Variants in BIN3 observed in about 807,000 individuals in gnomAD.
The protein encoded by BIN3 is bridging integrator 3.
A neutral mutation model predicts 38.2 loss-of-function variants in BIN3; 41 were observed. The ratio of observed to expected loss-of-function variants is 1.07; its 90% CI spans 0.84 to 1.39. The LOEUF is 1.39. Ranked by LOEUF, BIN3 falls within the 40% of genes most tolerant of loss-of-function variation. The probability of loss-of-function intolerance (pLI) is 0.00; values close to 1 mark genes in which losing one functional copy is unlikely to be tolerated. For synonymous variants in BIN3, 145 were observed against 122.6 expected, an observed-to-expected ratio of 1.18 and a Z score of -1.21; for missense variants, 361 against 324.3, an observed-to-expected ratio of 1.11 and a Z score of -0.87.
intron 1 of BIN3, among the ~76,000 whole-genome samples, chr8:22,659,942 T>A (rs1049265927): frequency 1.1e-4 from 16 of 151,978 alleles, no homozygotes; most frequent in Non-Finnish European, 1.8e-4. Flanking sequence ...CCAGAAGGGG[T>A]GACTTGTAAG....
chr8:22,622,954 G>A (rs1291052317), intron 8 of BIN3, among the ~76,000 whole-genome samples: 2 of 152,226 alleles, frequency 1.3e-5, no homozygotes, highest in Admixed American at 1.3e-4. Flanking sequence ...TCCTGACTGG[G>A]GCAGGTGGCC....
At chr8:22,627,566 CT>C (rs1403055854) in intron 6 of BIN3, among the ~76,000 whole-genome samples, 3 of 152,276 alleles carry the variant, frequency 2.0e-5, no homozygotes, top group African/African-American at 7.2e-5. Context: ...AGAGGCCCTG[CT>C]GACTCTACCC....
At chr8:22,667,948 T>TA (rs1803478684) in intron 1 of BIN3, among the ~76,000 whole-genome samples, 2 of 152,250 alleles carry the variant, frequency 1.3e-5, no homozygotes, top group South Asian at 4.1e-4. Context: ...GACATTCTGT[T>TA]ATCTTAATTC....
chr8:22,630,708 G>C (rs1172002617), intron 4 of BIN3, 130 bp from the exon 5 acceptor site: 2 of 1,007,578 alleles, frequency 2.0e-6, no homozygotes, highest in African/African-American at 1.6e-5. Flanking sequence ...CGGCCGTCAA[G>C]AACGGCGAAG....
rs937271368 is a variant in BIN3 at position 22,630,666 on chromosome 8, G to A, written c.161-88C>T. 3.4e-5 allele frequency: 51 copies of A among 1,485,146 alleles called. No homozygotes were observed. The African/African-American group carries it at 6.1e-4, about 18-fold the overall frequency. The allele number at this position is 1,485,146 out of a possible 1,614,324, so 92.0% of individuals were successfully genotyped here. ...AGGACCCCGTCCTCCTATGCCAGGG[G>A]CCTGCACCCTGAAGACCTCTTCCCA... is the stretch of plus-strand genomic sequence containing the variant. On this transcript the variant is annotated intron_variant, in intron 4 of 8. Transcript: ENST00000276416.
intron 1 of BIN3, among the ~76,000 whole-genome samples, chr8:22,646,409 C>G (rs544063693): frequency 1.3e-5 from 2 of 152,330 alleles, no homozygotes; most frequent in South Asian, 2.1e-4. Context: ...CTCCACACCC[C>G]CTTCTCCCTG....
At chr8:22,642,654 G>A (rs1276210372) in intron 2 of BIN3, among the ~76,000 whole-genome samples, 1 of 152,170 alleles carries the variant, frequency 6.6e-6, no homozygotes. Context: ...TATCTTGTGT[G>A]AGCCTCAAAG....
chr8:22,668,218 A>G (rs927417933), intron 1 of BIN3, among the ~76,000 whole-genome samples: 7 of 152,214 alleles, frequency 4.6e-5, no homozygotes, highest in South Asian at 2.1e-4. Context: ...GCAAGTCACA[A>G]TTCTCTCCTG....
intron 8 of BIN3, among the ~76,000 whole-genome samples, chr8:22,622,305 C>A (rs915133375): frequency 2.0e-5 from 3 of 152,242 alleles, no homozygotes; most frequent in Non-Finnish European, 4.4e-5. Flanking sequence ...CTGAAAGCTT[C>A]CACGTTTCAC....
At chr8:22,650,075 G>A (rs910306011) in intron 1 of BIN3, among the ~76,000 whole-genome samples, 1 of 152,064 alleles carries the variant, frequency 6.6e-6, no homozygotes, top group African/African-American at 2.4e-5. Context: ...TGTACCACTC[G>A]TTTTATTTCT....
chr8:22,636,765 C>A, intron 3 of BIN3, 157 bp downstream of exon 3: 1 of 1,010,582 alleles, frequency 9.9e-7, no homozygotes, highest in Non-Finnish European at 1.5e-6. Flanking sequence ...TCTCACATGG[C>A]CATTGCCAGG....
chr8:22,622,111 T>C (rs1012479669), intron 8 of BIN3, among the ~76,000 whole-genome samples: 24 of 151,926 alleles, frequency 1.6e-4, no homozygotes, highest in Admixed American at 5.9e-4. Flanking sequence ...ACTGCCAGGG[T>C]CCCTCTAGGG....
At chr8:22,629,533 G>A (rs905413723) in intron 6 of BIN3, among the ~76,000 whole-genome samples, 3 of 152,220 alleles carry the variant, frequency 2.0e-5, no homozygotes, top group Non-Finnish European at 2.9e-5. Context: ...CCACCCCCAC[G>A]TTTCCAGAGC....
intron 6 of BIN3, among the ~76,000 whole-genome samples, chr8:22,628,271 G>A (rs539096513): frequency 6.6e-6 from 1 of 152,368 alleles, no homozygotes; most frequent in Admixed American, 6.5e-5. Flanking sequence ...GAGGCTGGGG[G>A]CGGTGGGGTG....
rs1467626863 is a variant in BIN3 at position 22,621,162 on chromosome 8, G to A, written c.*260C>T. Reference sequence around the variant, plus strand: ...GCTTGCTCAGGCCGTGGGCCAGGATGCATGCTGGACGGTTCTCCAAATAAA... The same window carrying A: ...GCTTGCTCAGGCCGTGGGCCAGGATACATGCTGGACGGTTCTCCAAATAAA... On this transcript the variant is annotated 3_prime_UTR_variant, in exon 9 of 9. Transcript: ENST00000276416. The A allele has an allele frequency of 8.6e-6, 4 of 462,800 alleles. No homozygotes were observed. Among genetic ancestry groups the A allele is most frequent in the African/African-American group, 4.0e-5 (2 of 50,488 alleles). 28.7% of individuals were successfully genotyped at this position (462,800 alleles called of 1,614,324 possible). A position where few individuals can be genotyped will look rare whatever the true frequency, so the allele number is the denominator to read the frequency against.
rs1260133268 is a variant in BIN3 at position 22,621,424 on chromosome 8, A to G, written c.760T>C (p.Ter254ArgextTer10). 6.2e-7 allele frequency: 1 copy of G among 1,612,742 alleles called. No homozygotes were observed. Among genetic ancestry groups the G allele is most frequent in the Non-Finnish European group, 8.5e-7 (1 of 1,179,394 alleles). Reference sequence around the variant, plus strand: ...AGTCCTCCAAGAGTGACGGGGATTCAGTCATCGGCCACAATGGAGAGGGCC... The same window carrying G: ...AGTCCTCCAAGAGTGACGGGGATTCGGTCATCGGCCACAATGGAGAGGGCC... ...LRALSIVADD* is the reference protein window; with the variant it reads ...LRALSIVADDR The change falls in exon 9 of 9, where the codon TGA (stop) becomes CGA (arginine). Residue 254 changes from the stop codon to arginine, a stop_lost. Transcript: ENST00000276416.
At chr8:22,632,705 C>CTTTTTTTTTT (rs373810993) in intron 4 of BIN3, among the ~76,000 whole-genome samples, 1 of 132,166 alleles carries the variant, frequency 7.6e-6, no homozygotes, top group East Asian at 2.2e-4. Flanking sequence ...TTCCACTTTC[C>CTTTTTTTTTT]TTTTTTTTTT....
intron 2 of BIN3, chr8:22,644,468 T>C (rs983947477): frequency 2.0e-5 from 8 of 399,158 alleles, no homozygotes; most frequent in African/African-American, 1.4e-4. Context: ...TCCCTAGAGG[T>C]GGACCGTTCT....
chr8:22,646,161 CTA>C (rs879536836), intron 1 of BIN3, among the ~76,000 whole-genome samples: 4 of 152,178 alleles, frequency 2.6e-5, no homozygotes, highest in African/African-American at 7.2e-5. Context: ...ACTGAGCATT[CTA>C]TGATTCTCCA....
Sources: allele counts gnomAD v4.1 joint callset (sites outside exome capture counted in the v4.1 genomes callset), GRCh38; gene constraint gnomAD v4.1.1; transcripts MANE v1.5; gene names NCBI Gene and HGNC (gene_info 2026-07-23, HGNC 2026-07-21).